The following INSYN2A variants were observed in gnomAD, a reference collection of about 807,000 sequenced individuals.
The protein encoded by INSYN2A is family with sequence similarity 196 member A.
Under a neutral mutation model 39.4 loss-of-function variants are expected in INSYN2A, and 17 were observed. That is an observed-to-expected ratio of 0.43 (90% CI 0.30 to 0.65). INSYN2A has a LOEUF of 0.65. Among genes scored for constraint, INSYN2A ranks in the 30% least tolerant of loss-of-function variants. The pLI is 0.14. For missense variants in INSYN2A, 595 were observed against 631.2 expected (o/e 0.94, Z 0.61); for synonymous variants, 255 against 265.7 (o/e 0.96, Z 0.39).
rs1253614394 is a variant in INSYN2A, at chr10:127,137,534, A to G, written c.*303T>C. 5 of 287,788 alleles carry G rather than the reference A, an allele frequency of 1.7e-5. No homozygotes were observed. Among genetic ancestry groups the G allele is most frequent in the Non-Finnish European group, 6.4e-6 (1 of 155,044 alleles). The allele number at this position is 287,788 out of a possible 1,614,324, so 17.8% of individuals were successfully genotyped here. A position where few individuals can be genotyped will look rare whatever the true frequency, so the allele number is the denominator to read the frequency against. The stretch of plus-strand genomic sequence containing the variant: ...CTGCCATCTCGCAGGTTGATAATGT[A>G]TTACTTGCAGATCGGGGGTGGGGGA... On this transcript the variant is annotated 3_prime_UTR_variant, in exon 6 of 6. Transcript: ENST00000522781.
At chr10:127,167,825 C>G (rs1318285188) in intron 4 of INSYN2A, among the ~76,000 whole-genome samples, 1 of 151,914 alleles carries the variant, frequency 6.6e-6, no homozygotes, top group Non-Finnish European at 1.5e-5. Flanking sequence ...ACCCCCCATC[C>G]CCAAAATACA....
intron 2 of INSYN2A, among the ~76,000 whole-genome samples, chr10:127,186,507 G>GCCCCCCCCCC (rs1326283340): frequency 1.7e-4 from 1 of 5,910 alleles, no homozygotes; most frequent in African/African-American, 3.2e-4. Context: ...GGGAGAAACC[G>GCCCCCCCCCC]CCCCCCCGCC....
intron 5 of INSYN2A, among the ~76,000 whole-genome samples, chr10:127,147,600 C>T (rs1293680766): frequency 1.3e-5 from 2 of 152,112 alleles, no homozygotes; most frequent in African/African-American, 2.4e-5. Flanking sequence ...AGCAGCTTCA[C>T]ACTCCTCCCA....
At chr10:127,159,726 T>G (rs2053419084) in intron 4 of INSYN2A, among the ~76,000 whole-genome samples, 4 of 152,126 alleles carry the variant, frequency 2.6e-5, no homozygotes, top group Admixed American at 2.6e-4. Context: ...CGGGTAGACA[T>G]TTGAAAAGAA....
intron 4 of INSYN2A, among the ~76,000 whole-genome samples, chr10:127,163,856 A>C (rs2053816170): frequency 6.6e-6 from 1 of 151,114 alleles, no homozygotes; most frequent in South Asian, 2.1e-4. Context: ...TCCAGGAAGA[A>C]ACACCCTTAA....
At chr10:127,185,838 G>T (rs972014366) in intron 2 of INSYN2A, among the ~76,000 whole-genome samples, 12 of 152,188 alleles carry the variant, frequency 7.9e-5, no homozygotes, top group African/African-American at 2.9e-4. Context: ...TCACAAAAAT[G>T]AGTAGATGGC....
chr10:127,137,744 A>G lies in INSYN2A; in HGVS notation c.*93T>C. 8.0e-7 allele frequency: 1 copy of G among 1,243,720 alleles called. No homozygotes were observed. Among genetic ancestry groups the G allele is most frequent in the East Asian group, 2.3e-5 (1 of 42,636 alleles). The allele number at this position is 1,243,720 out of a possible 1,614,324, so 77.0% of individuals were successfully genotyped here. ...AGTGGGAGGTGCCTGAATGGGCACC[A>G]CAGTTCCCTCGATCCTATTCATTTT... is the stretch of plus-strand genomic sequence containing the variant. On this transcript the variant is annotated 3_prime_UTR_variant, in exon 6 of 6. Transcript: ENST00000522781.
intron 2 of INSYN2A, among the ~76,000 whole-genome samples, chr10:127,178,076 G>A (rs1417300693): frequency 6.6e-6 from 1 of 152,140 alleles, no homozygotes; most frequent in Non-Finnish European, 1.5e-5. Flanking sequence ...GAGGTGCACG[G>A]TGGTTCCATA....
chr10:127,193,390 C>T (rs889823481), intron 1 of INSYN2A, among the ~76,000 whole-genome samples: 6 of 152,276 alleles, frequency 3.9e-5, no homozygotes, highest in Admixed American at 2.0e-4. Context: ...CCTTCACAAG[C>T]GTTAAAATCC....
chr10:127,175,842 T>C lies in INSYN2A; in HGVS notation c.554A>G (p.Asp185Gly). Residue 185 changes from aspartate to glycine, a missense_variant, in exon 4 of 6, where the codon GAC (aspartate) becomes GGC (glycine). Around this residue, in one of 2 missense-constraint regions of INSYN2A, gnomAD observed 478 missense variants for 467.4 expected, o/e 1.02. Transcript: ENST00000522781. This position sits in a 1 kb window ranked among gnomAD's most constrained non-coding sequence, Gnocchi z 6.3. ...FHSNQHMNTV[D>G]QPLGVNCTEP... Reference sequence around the variant, plus strand: ...TGTGCAGTTGACCCCCAAAGGCTGGTCCACTGTGTTCATGTGTTGGTTGGA... The same window carrying C: ...TGTGCAGTTGACCCCCAAAGGCTGGCCCACTGTGTTCATGTGTTGGTTGGA... 6.2e-7 allele frequency: 1 copy of C among 1,614,110 alleles called. No individual in the cohort carries two copies. The highest frequency in any genetic ancestry group is 2.2e-5 in the East Asian group (1 of 44,852).
At chr10:127,185,959 C>T (rs1042209745) in intron 2 of INSYN2A, among the ~76,000 whole-genome samples, 1 of 152,166 alleles carries the variant, frequency 6.6e-6, no homozygotes, top group South Asian at 2.1e-4. Context: ...TTATATTACT[C>T]AACTTTCTTC....
At chr10:127,145,589 G>A (rs2051736442) in intron 5 of INSYN2A, among the ~76,000 whole-genome samples, 1 of 152,168 alleles carries the variant, frequency 6.6e-6, no homozygotes, top group Non-Finnish European at 1.5e-5. Context: ...CCAACCCTGA[G>A]TGGGATCCCA....
chr10:127,148,301 G>A (rs149949716), intron 5 of INSYN2A, among the ~76,000 whole-genome samples: 4 of 152,280 alleles, frequency 2.6e-5, no homozygotes, highest in East Asian at 3.9e-4. Context: ...AGCGTGCTCC[G>A]GGAGGATGTG....
At chr10:127,147,473 T>G (rs919339189) in intron 5 of INSYN2A, among the ~76,000 whole-genome samples, 1 of 152,126 alleles carries the variant, frequency 6.6e-6, no homozygotes, top group African/African-American at 2.4e-5. Flanking sequence ...CGCCTGCCTT[T>G]TACGTCCTTG....
chr10:127,164,088 A>G (rs1014721187), intron 4 of INSYN2A, among the ~76,000 whole-genome samples: 2 of 143,388 alleles, frequency 1.4e-5, no homozygotes, highest in African/African-American at 5.1e-5. Flanking sequence ...GTCCCAGGGG[A>G]CGCAGGGGTC....
chr10:127,145,822 AG>A, intron 5 of INSYN2A: 1 of 335,580 alleles, frequency 3.0e-6, no homozygotes, highest in South Asian at 2.3e-5. Context: ...TAAACGTAGC[AG>A]TGATAGTTCT....
chr10:127,192,762 A>G (rs1176914834), intron 1 of INSYN2A, 32 bp from the exon 2 acceptor site: 1 of 152,210 alleles, frequency 6.6e-6, no homozygotes, highest in African/African-American at 2.4e-5. Flanking sequence ...ACATGGTCCA[A>G]AGGTTCAAAC....
chr10:127,165,614 A>C (rs914980285), intron 4 of INSYN2A, among the ~76,000 whole-genome samples: 6 of 152,178 alleles, frequency 3.9e-5, no homozygotes, highest in Admixed American at 1.3e-4. Context: ...GCAGTATCAA[A>C]TGTTTGTTGT....
chr10:127,193,836 C>A (rs759403415), intron 1 of INSYN2A, among the ~76,000 whole-genome samples: 2 of 152,180 alleles, frequency 1.3e-5, no homozygotes, highest in Non-Finnish European at 2.9e-5. Context: ...AACAGAGAAG[C>A]CCCCGAAGTA....
Sources: allele counts gnomAD v4.1 joint callset (sites outside exome capture counted in the v4.1 genomes callset), GRCh38; gene constraint gnomAD v4.1.1; regional missense constraint gnomAD v4.1.1; non-coding constraint Gnocchi (gnomAD v3.1); transcripts MANE v1.5; gene names NCBI Gene and HGNC (gene_info 2026-07-23, HGNC 2026-07-21).